Variants in FTCD observed in about 807,000 individuals in gnomAD.
The protein encoded by FTCD is formimidoyltransferase cyclodeaminase, also known as formimidoyltransferase-cyclodeaminase.
A neutral mutation model predicts 62.9 loss-of-function variants in FTCD; 76 were observed. The ratio of observed to expected loss-of-function variants is 1.21; its 90% CI spans 1.00 to 1.46. The LOEUF (loss-of-function observed/expected upper bound fraction) is 1.46, where lower values mean the gene tolerates loss of function less well. FTCD is among the 40% of genes most tolerant of loss of function. FTCD has a pLI of 0.00. For missense variants in FTCD, 845 were observed against 751.3 expected (o/e 1.12, Z -1.46); for synonymous variants, 397 against 336.9 (o/e 1.18, Z -1.95).
In FTCD at chr21:46,155,345, C is replaced by T. The variant is rs563293235; in HGVS notation, c.54+125G>A. On this transcript the variant is annotated intron_variant, in intron 1 of 13. Coordinates refer to ENST00000397746, the MANE Select transcript of FTCD (RefSeq NM_206965.2). ...GGATGTCCTTGGGGCCCACGGGCAG[C>T]GGCTCTGCCCATCCTGGGAAGACGA... 2.3e-4 allele frequency: 183 copies of T among 797,588 alleles called. 1 individual carries two copies. The African/African-American group carries it at 2.4e-3, about 10-fold the overall frequency. The allele number at this position is 797,588 out of a possible 1,614,324, so 49.4% of individuals were successfully genotyped here.
intron 3 of FTCD, 66 bp from the exon 4 acceptor site, chr21:46,152,046 G>A (rs565374745): frequency 8.9e-5 from 102 of 1,145,080 alleles, no homozygotes; most frequent in Non-Finnish European, 1.1e-4. Flanking sequence ...CCTGGAGGAC[G>A]CAGGTGGAGG....
chr21:46,141,254 G>A (rs1251103030), intron 10 of FTCD, among the ~76,000 whole-genome samples: 1 of 151,796 alleles, frequency 6.6e-6, no homozygotes, highest in Non-Finnish European at 1.5e-5. Context: ...CCCCACTTAA[G>A]CCTCCTGAGT....
At chr21:46,138,771 AGCACGCCCAG>A (rs2123482986) in intron 11 of FTCD, 99 bp downstream of exon 11, 2 of 1,436,428 alleles carry the variant, frequency 1.4e-6, no homozygotes, top group African/African-American at 2.8e-5. Flanking sequence ...CCAAACACCC[AGCACGCCCAG>A]GCCAACCACG....
intron 3 of FTCD, chr21:46,152,643 T>C (rs1601349454): frequency 2.4e-6 from 1 of 414,200 alleles, no homozygotes; most frequent in East Asian, 3.7e-5. Flanking sequence ...TATTCTGCTC[T>C]AGAAGGCGTG....
Position 46,154,170 on chromosome 21 carries a change from T to A in FTCD, c.217A>T (p.Ile73Phe). The change falls in exon 2 of 14, where the codon ATC (isoleucine) becomes TTC (phenylalanine). Residue 73 changes from isoleucine to phenylalanine, a missense_variant. Coordinates refer to ENST00000397746, the MANE Select transcript of FTCD (RefSeq NM_206965.2). ...TCACCTTGGTGCCTGCTCATGTCGA[T>A]AAGTCGGGAAGCTACCCGGGCAGCG... ...LNAARVASRLIDMSRHQGEHP... is the reference protein window; with the variant it reads ...LNAARVASRLFDMSRHQGEHP... The A allele has an allele frequency of 6.2e-7, 1 of 1,612,776 alleles. No homozygotes were observed. The highest frequency in any genetic ancestry group is 8.5e-7 in the Non-Finnish European group (1 of 1,179,976).
intron 7 of FTCD, among the ~76,000 whole-genome samples, chr21:46,149,632 A>T (rs963814095): frequency 6.6e-6 from 1 of 152,180 alleles, no homozygotes; most frequent in Non-Finnish European, 1.5e-5. Flanking sequence ...ACGCTGCCAC[A>T]CCCCAGCAGG....
chr21:46,150,078 T>G, intron 7 of FTCD, 41 bp downstream of exon 7: 83 of 772,638 alleles, frequency 1.1e-4, no homozygotes, highest in Non-Finnish European at 1.3e-4. Flanking sequence ...CCACCCTCCC[T>G]GCACGCCCCT....
chr21:46,154,796 C>T (rs2079391169), intron 1 of FTCD, among the ~76,000 whole-genome samples: 2 of 152,242 alleles, frequency 1.3e-5, no homozygotes, highest in Admixed American at 1.3e-4. Context: ...CAAATCTTGC[C>T]CTGTCCCAGG....
intron 12 of FTCD, 21 bp downstream of exon 12, chr21:46,138,487 G>A: frequency 6.4e-7 from 1 of 1,573,336 alleles, no homozygotes; most frequent in Non-Finnish European, 8.6e-7. Flanking sequence ...AGGAGGCCTG[G>A]GGTCCCCCGG....
chr21:46,140,513 C>T (rs77781074), intron 10 of FTCD, among the ~76,000 whole-genome samples: 2 of 144,594 alleles, frequency 1.4e-5, no homozygotes, highest in Non-Finnish European at 1.5e-5. Context: ...CCAGCCCTCC[C>T]CGTCCACCTT....
Position 46,154,201 on chromosome 21 carries a change from G to A in FTCD, c.186C>T (p.Ala62=). 6.2e-7 allele frequency: 1 copy of A among 1,612,844 alleles called. No homozygotes were observed. The highest frequency in any genetic ancestry group is 8.5e-7 in the Non-Finnish European group (1 of 1,179,988). Residue 62 remains alanine, a synonymous_variant, in exon 2 of 14, where the codon GCC becomes GCT. Coordinates refer to ENST00000397746, the MANE Select transcript of FTCD (RefSeq NM_206965.2). ...VGPPECVVEG[A]LNAARVASRL... is the part of the protein sequence containing the mutation. The stretch of plus-strand genomic sequence containing the variant: ...GGGAAGCTACCCGGGCAGCGTTGAG[G>A]GCCCCCTCCACCACGCACTCCGGCG...
Position 46,151,565 on chromosome 21 carries a change from T to C in FTCD, c.629A>G (p.Lys210Arg), listed in dbSNP as rs1345238753. 3 of 1,612,588 alleles carry C rather than the reference T, an allele frequency of 1.9e-6. No individual in the cohort carries two copies. The highest frequency in any genetic ancestry group is 2.7e-5 in the African/African-American group (2 of 75,066). ...ALNLREQGRGKDQPGRLKKVQ... is the reference protein window; with the variant it reads ...ALNLREQGRGRDQPGRLKKVQ... ...GTCAGTGAACGGGGTCACCTGGTCC[T>C]TCCCGCGGCCCTGCTCCCGCAGGTT... is the stretch of plus-strand genomic sequence containing the variant. The change falls in exon 5 of 14, where the codon AAG becomes AGG. Residue 210 changes from lysine to arginine, a missense_variant. Coordinates refer to ENST00000397746, the MANE Select transcript of FTCD (RefSeq NM_206965.2).
chr21:46,152,718 C>G (rs2079322253), intron 3 of FTCD, 189 bp downstream of exon 3: 1 of 566,626 alleles, frequency 1.8e-6, no homozygotes, highest in Non-Finnish European at 3.1e-6. Context: ...GGCCCCGGGC[C>G]TGCACGGCCG....
At chr21:46,136,536 G>A (rs554391533), downstream of FTCD, 18 of 1,608,500 alleles carry the variant, frequency 1.1e-5, no homozygotes, top group Middle Eastern at 3.4e-4. Flanking sequence ...CCTCAGACAA[G>A]GGGCCTCACA....
chr21:46,155,420 T>C, intron 1 of FTCD, 50 bp downstream of exon 1: 1 of 1,493,884 alleles, frequency 6.7e-7, no homozygotes, highest in Non-Finnish European at 9.3e-7. Flanking sequence ...CCTTAGCCAC[T>C]CAAGCTGCCC....
At chr21:46,143,091 G>A (rs553707282) in intron 10 of FTCD, among the ~76,000 whole-genome samples, 1 of 152,160 alleles carries the variant, frequency 6.6e-6, no homozygotes, top group Non-Finnish European at 1.5e-5. Context: ...CTGCAAATCC[G>A]GGACTGTTTA....
chr21:46,141,588 TAA>T (rs578133470), intron 10 of FTCD, among the ~76,000 whole-genome samples: 3 of 151,934 alleles, frequency 2.0e-5, no homozygotes, highest in Admixed American at 1.3e-4. Flanking sequence ...CCAAAAAATA[TAA>T]AGTCAGGATT....
At position 46,138,584 on chromosome 21, in the gene FTCD, T is replaced by TC. The variant is rs777099958; in HGVS notation, c.1366dup (p.Glu456GlyfsTer56). ...GGCCGGCCACAGCGAGGCCACCGTC[T>TC]CCGCCAGCGTCAGCGGCACAGAGAC... On this transcript the variant is annotated frameshift_variant, in exon 12 of 14. Transcript: ENST00000397746. LOFTEE classifies it high-confidence loss of function. The TC allele has an allele frequency of 8.9e-5, 141 of 1,588,838 alleles. No homozygotes were observed. Among genetic ancestry groups the TC allele is most frequent in the Non-Finnish European group, 2.0e-5 (24 of 1,174,852 alleles).
intron 10 of FTCD, among the ~76,000 whole-genome samples, chr21:46,141,895 C>G (rs1308271822): frequency 6.6e-6 from 1 of 152,168 alleles, no homozygotes; most frequent in Non-Finnish European, 1.5e-5. Context: ...GTTCTGCAAG[C>G]AGGTGTTGGG....
Sources: gnomAD v4.1 joint callset for allele counts (sites outside exome capture counted in the v4.1 genomes callset) on GRCh38, gnomAD v4.1.1 for gene constraint, MANE v1.5 for transcripts, NCBI Gene and HGNC (gene_info 2026-07-23, HGNC 2026-07-21) for gene names.